Variants in SPECC1 observed in about 807,000 individuals in gnomAD.
The protein encoded by SPECC1 is cytospin-B.
A neutral mutation model predicts 104.1 loss-of-function variants in SPECC1; 62 were observed. The observed-to-expected ratio is 0.60, with a 90% CI of 0.49 to 0.74. The LOEUF is 0.74. SPECC1 is among the 30% of genes least tolerant of loss of function. The probability of loss-of-function intolerance (pLI) is 0.00; values close to 1 mark genes in which losing one functional copy is unlikely to be tolerated. For missense variants in SPECC1, 1,306 were observed against 1,310.5 expected, an observed-to-expected ratio of 1.00 and a Z score of 0.05; for synonymous variants, 513 against 501.6, an observed-to-expected ratio of 1.02 and a Z score of -0.30.
At chr17:20,301,816 C>CT (rs1162693339) in intron 13 of SPECC1, among the ~76,000 whole-genome samples, 5 of 152,110 alleles carry the variant, frequency 3.3e-5, no homozygotes, top group Non-Finnish European at 5.9e-5. Flanking sequence ...AGCGATTCTC[C>CT]TGCCTCAACC....
intron 1 of SPECC1, among the ~76,000 whole-genome samples, chr17:20,091,466 G>A (rs1323018753): frequency 1.3e-5 from 2 of 152,140 alleles, no homozygotes; most frequent in South Asian, 2.1e-4. Context: ...ATGCTTCCTT[G>A]TTGTAGGGCT....
intron 1 of SPECC1, among the ~76,000 whole-genome samples, chr17:20,025,565 A>C (rs1049604296): frequency 1.3e-5 from 2 of 152,168 alleles, no homozygotes; most frequent in Non-Finnish European, 2.9e-5. Context: ...TGGGCAGATA[A>C]TATTCTAGTG....
At chr17:20,060,999 C>T (rs1180405994) in intron 1 of SPECC1, among the ~76,000 whole-genome samples, 1 of 152,204 alleles carries the variant, frequency 6.6e-6, no homozygotes, top group Non-Finnish European at 1.5e-5. Context: ...AAGAATGAAA[C>T]AGGATATCAG....
intron 12 of SPECC1, among the ~76,000 whole-genome samples, chr17:20,270,301 AAAAACAGTG>A (rs2040357254): frequency 6.6e-6 from 1 of 151,892 alleles, no homozygotes; most frequent in African/African-American, 2.4e-5. Flanking sequence ...TTTTTTTAAA[AAAAACAGTG>A]TTATGAACAG....
At chr17:20,222,055 C>G (rs142798424) in intron 4 of SPECC1, among the ~76,000 whole-genome samples, 1 of 150,440 alleles carries the variant, frequency 6.6e-6, no homozygotes, top group African/African-American at 2.5e-5. Flanking sequence ...GTTACAGGGC[C>G]AGGCGTGGTG....
Position 20,271,796 on chromosome 17 carries a change from A to C in SPECC1, c.2940+11502A>C, listed in dbSNP as rs563906333. On this transcript the variant is annotated intron_variant, in intron 12 of 14. Coordinates refer to ENST00000395527, the MANE Select transcript of SPECC1 (RefSeq NM_001243439.2). ...TTTCCCTTTGTTTTTTTTTCCCTTCAGTATCTCCCTGAGAATGAGTTCATA... is the reference window on the plus strand; with the variant it reads ...TTTCCCTTTGTTTTTTTTTCCCTTCCGTATCTCCCTGAGAATGAGTTCATA... 1.4e-4 allele frequency among the ~76,000 whole-genome samples: 21 copies of C among 145,960 alleles called. No individual in the cohort carries two copies. The South Asian group carries it at 4.5e-3, about 31-fold the overall frequency.
Position 20,304,321 on chromosome 17 carries a change from A to G in SPECC1, c.3058-1702A>G, listed in dbSNP as rs1265313097. Among the ~76,000 whole-genome samples the G allele has an allele frequency of 5.2e-5, 7 of 135,658 alleles. No individual in the cohort carries two copies. In the South Asian group the frequency reaches 1.8e-3, roughly 34 times the overall value. The allele number at this position is 135,658 out of a possible 152,430, so 89.0% of individuals were successfully genotyped here. A position where few individuals can be genotyped will look rare whatever the true frequency, so the allele number is the denominator to read the frequency against. ...AGGAAATTTCACTGAGGAACTTAAA[A>G]CTGAATATGTAGAGAAACATTTATA... is the stretch of plus-strand genomic sequence containing the variant. On this transcript the variant is annotated intron_variant, in intron 13 of 14. Coordinates refer to ENST00000395527, the MANE Select transcript of SPECC1 (RefSeq NM_001243439.2).
At chr17:20,082,521 T>C (rs553269382) in intron 1 of SPECC1, among the ~76,000 whole-genome samples, 12 of 152,180 alleles carry the variant, frequency 7.9e-5, no homozygotes, top group Admixed American at 7.2e-4. Flanking sequence ...TGCTTGAGTG[T>C]TGAGTTTGAG....
intron 12 of SPECC1, among the ~76,000 whole-genome samples, chr17:20,287,010 A>G (rs2040970910): frequency 6.6e-6 from 1 of 152,248 alleles, no homozygotes; most frequent in Admixed American, 6.5e-5. Context: ...TCCTTAGGCC[A>G]TCGGCTGCCG....
intron 3 of SPECC1, among the ~76,000 whole-genome samples, chr17:20,169,640 T>A (rs1212825838): frequency 6.6e-6 from 1 of 152,156 alleles, no homozygotes; most frequent in African/African-American, 2.4e-5. Context: ...AAGTTCCTGA[T>A]AATTTTAACA....
rs930144853 is a variant in SPECC1 at position 20,035,887 on chromosome 17, C to T, written c.-22+26463C>T. On this transcript the variant is annotated intron_variant, in intron 1 of 14. Transcript: ENST00000395527. ...TCGTTCTCTCACCCAGGCTGGAGTG[C>T]GGTGGCTCAACACTGCAACCTCTGC... Among the ~76,000 whole-genome samples the T allele has an allele frequency of 2.6e-5, 4 of 151,932 alleles. No homozygotes were observed. In the South Asian group the frequency reaches 6.2e-4, roughly 24 times the overall value.
intron 3 of SPECC1, among the ~76,000 whole-genome samples, chr17:20,143,554 C>T (rs1460233172): frequency 2.6e-5 from 4 of 151,832 alleles, no homozygotes; most frequent in African/African-American, 9.7e-5. Flanking sequence ...CATGGTGGCA[C>T]GTGCCTGTAA....
At chr17:20,307,898 G>A (rs2041814884) in intron 14 of SPECC1, among the ~76,000 whole-genome samples, 1 of 152,136 alleles carries the variant, frequency 6.6e-6, no homozygotes, top group South Asian at 2.1e-4. Context: ...ATATTGTAAT[G>A]AAACTACAGA....
Position 20,308,490 on chromosome 17 carries a change from T to C in SPECC1, c.3117+2408T>C, listed in dbSNP as rs1197181273. Among the ~76,000 whole-genome samples the C allele has an allele frequency of 2.6e-5, 4 of 151,366 alleles. No individual in the cohort carries two copies. The East Asian group carries it at 7.8e-4, about 29-fold the overall frequency. On this transcript the variant is annotated intron_variant, in intron 14 of 14. Transcript: ENST00000395527. ...CATCTATTGTGAAATCTTACCACCATGAACAGTGCTATGCCAGTGTAATTT... is the reference window on the plus strand; with the variant it reads ...CATCTATTGTGAAATCTTACCACCACGAACAGTGCTATGCCAGTGTAATTT...
intron 8 of SPECC1, among the ~76,000 whole-genome samples, chr17:20,246,622 C>G (rs1028973773): frequency 6.6e-6 from 1 of 152,166 alleles, no homozygotes; most frequent in Non-Finnish European, 1.5e-5. Context: ...TCACAATTCC[C>G]CTTTAGTCAT....
At chr17:20,101,228 G>C (rs1038420609) in intron 2 of SPECC1, among the ~76,000 whole-genome samples, 14 of 152,136 alleles carry the variant, frequency 9.2e-5, no homozygotes, top group Non-Finnish European at 1.9e-4. Flanking sequence ...CTAGATCCTT[G>C]AGGAATCACC....
chr17:20,197,426 G>A (rs950790043), intron 3 of SPECC1, among the ~76,000 whole-genome samples: 1 of 152,110 alleles, frequency 6.6e-6, no homozygotes, highest in South Asian at 2.1e-4. Context: ...AACCAGAAAC[G>A]ACTTCCTAGG....
At chr17:20,105,550 C>A (rs144173092) in intron 2 of SPECC1, among the ~76,000 whole-genome samples, 1 of 152,090 alleles carries the variant, frequency 6.6e-6, no homozygotes, top group African/African-American at 2.4e-5. Flanking sequence ...CCCTTGAAAA[C>A]AAAAACAAAC....
Position 20,314,083 on chromosome 17 carries a change from C to T in SPECC1, c.*18C>T. On this transcript the variant is annotated 3_prime_UTR_variant, in exon 15 of 15. Coordinates refer to ENST00000395527, the MANE Select transcript of SPECC1 (RefSeq NM_001243439.2). ...AGACGTAACCCTGGAGGGCCTGGGGCAGCCACCATTGCCACCTACTGCAGC... is the reference window on the plus strand; with the variant it reads ...AGACGTAACCCTGGAGGGCCTGGGGTAGCCACCATTGCCACCTACTGCAGC... 6.2e-7 allele frequency: 1 copy of T among 1,609,032 alleles called. No individual in the cohort carries two copies. The highest frequency in any genetic ancestry group is 8.5e-7 in the Non-Finnish European group (1 of 1,176,224).
Sources: gnomAD v4.1 joint callset for allele counts (sites outside exome capture counted in the v4.1 genomes callset) on GRCh38, gnomAD v4.1.1 for gene constraint, MANE v1.5 for transcripts, NCBI Gene and HGNC (gene_info 2026-07-23, HGNC 2026-07-21) for gene names.